KIAA1328: variants seen among roughly 807,000 people sequenced by gnomAD.
KIAA1328 encodes the protein protein hinderin.
In KIAA1328, 52 loss-of-function variants were observed where a neutral mutation model predicts 68.1. The observed-to-expected ratio is 0.76, with a 90% confidence interval of 0.61 to 0.96. The LOEUF is 0.96. KIAA1328 is among the 40% of genes least tolerant of loss of function. The pLI is 0.00. For synonymous variants in KIAA1328, 232 were observed against 239.4 expected, an observed-to-expected ratio of 0.97 and a Z score of 0.28; for missense variants, 641 against 677.6, an observed-to-expected ratio of 0.95 and a Z score of 0.60.
intron 6 of KIAA1328, among the ~76,000 whole-genome samples, chr18:37,061,077 T>C (rs1021507367): frequency 2.0e-5 from 3 of 152,048 alleles, no homozygotes. Context: ...ATCGTGCCAC[T>C]GCACTCCAGC....
At chr18:36,874,020 T>C (rs1199135605) in intron 4 of KIAA1328, among the ~76,000 whole-genome samples, 1 of 152,242 alleles carries the variant, frequency 6.6e-6, no homozygotes, top group East Asian at 1.9e-4. Flanking sequence ...CATGAACTCA[T>C]TCTTTTTCAT....
intron 6 of KIAA1328, among the ~76,000 whole-genome samples, chr18:36,989,660 A>G (rs972516863): frequency 7.2e-5 from 11 of 152,148 alleles, no homozygotes; most frequent in African/African-American, 2.4e-4. Context: ...ATATTTTTTT[A>G]AGATGATCTG....
chr18:36,867,002 A>G lies in KIAA1328; in HGVS notation c.333-18555A>G, dbSNP rs76505434. Reference sequence around the variant, plus strand: ...ATGACAAGCATATTTTCAGAAGGATATAATATTCATCAGCTCTCAACACAA... The same window carrying G: ...ATGACAAGCATATTTTCAGAAGGATGTAATATTCATCAGCTCTCAACACAA... On this transcript the variant is annotated intron_variant, in intron 4 of 9. Coordinates refer to ENST00000280020, the MANE Select transcript of KIAA1328 (RefSeq NM_020776.3). 6.3e-3 allele frequency among the ~76,000 whole-genome samples: 964 copies of G among 152,330 alleles called. 13 individuals are homozygous for G. The highest frequency in any genetic ancestry group is 0.021 in the African/African-American group (893 of 41,570).
At chr18:36,881,876 G>A (rs2048339474) in intron 4 of KIAA1328, among the ~76,000 whole-genome samples, 1 of 152,124 alleles carries the variant, frequency 6.6e-6, no homozygotes, top group South Asian at 2.1e-4. Context: ...TCAGGTTGTT[G>A]TACTTTTATT....
At chr18:37,104,037 A>G (rs1327954320) in intron 7 of KIAA1328, among the ~76,000 whole-genome samples, 1 of 152,212 alleles carries the variant, frequency 6.6e-6, no homozygotes, top group Non-Finnish European at 1.5e-5. Context: ...GCAAGAATGT[A>G]GAGAAAAGGG....
intron 7 of KIAA1328, among the ~76,000 whole-genome samples, chr18:37,153,111 G>T (rs1032196281): frequency 1.3e-5 from 2 of 152,142 alleles, no homozygotes; most frequent in South Asian, 4.1e-4. Context: ...TGTGAAAATG[G>T]CACACTTGGT....
chr18:36,891,465 C>G (rs2151001185), intron 5 of KIAA1328, among the ~76,000 whole-genome samples: 1 of 152,256 alleles, frequency 6.6e-6, no homozygotes, highest in African/African-American at 2.4e-5. Flanking sequence ...TTTCACTCTT[C>G]CCCCCTCTGC....
intron 7 of KIAA1328, among the ~76,000 whole-genome samples, chr18:37,133,465 A>G (rs1351352010): frequency 2.0e-5 from 3 of 152,088 alleles, no homozygotes; most frequent in South Asian, 2.1e-4. Flanking sequence ...AAGAATCTAT[A>G]CATGTGTTAA....
chr18:37,091,676 C>G (rs1503357), intron 7 of KIAA1328, among the ~76,000 whole-genome samples: 159 of 152,230 alleles, frequency 1.0e-3, no homozygotes, highest in African/African-American at 3.2e-3. Context: ...CCCAACAACC[C>G]CTGCATCTTC....
In KIAA1328 at chr18:37,111,969, G is replaced by A. The variant is rs541337676; in HGVS notation, c.1232+44424G>A. On this transcript the variant is annotated intron_variant, in intron 7 of 9. Transcript: ENST00000280020. ...CAAACTGCAAGGTGGCAGTGAGGTG[G>A]GTGGAGGGACGTCCGCCATTGCTAA... is the stretch of plus-strand genomic sequence containing the variant. 4.6e-5 allele frequency among the ~76,000 whole-genome samples: 7 copies of A among 152,312 alleles called. No individual in the cohort carries two copies. The South Asian group carries it at 6.2e-4, about 14-fold the overall frequency.
chr18:36,882,589 G>C (rs566554951), intron 4 of KIAA1328, among the ~76,000 whole-genome samples: 1 of 152,158 alleles, frequency 6.6e-6, no homozygotes, highest in Admixed American at 6.5e-5. Flanking sequence ...GCCTTCCAGG[G>C]CTTAATAATT....
intron 6 of KIAA1328, among the ~76,000 whole-genome samples, chr18:36,969,950 C>T (rs564745332): frequency 7.6e-4 from 116 of 152,302 alleles, no homozygotes; most frequent in Non-Finnish European, 1.4e-3. Flanking sequence ...CTCCCTAACT[C>T]ATTTTGTGAG....
chr18:37,187,479 A>G (rs1400383170), intron 9 of KIAA1328, among the ~76,000 whole-genome samples: 1 of 152,340 alleles, frequency 6.6e-6, no homozygotes, highest in East Asian at 1.9e-4. Flanking sequence ...AAAATTGTAT[A>G]CAGTTGCATG....
At chr18:36,928,880 C>G (rs542812671) in intron 5 of KIAA1328, among the ~76,000 whole-genome samples, 20 of 152,288 alleles carry the variant, frequency 1.3e-4, no homozygotes, top group African/African-American at 4.8e-4. Flanking sequence ...TTCCACAGAT[C>G]TGTGATAGTC....
rs774789058 is a variant in KIAA1328, at chr18:37,168,416, G to A, written c.1415-4557G>A. 1.1e-3 allele frequency among the ~76,000 whole-genome samples: 166 copies of A among 152,188 alleles called. 1 individual carries two copies. Among genetic ancestry groups the A allele is most frequent in the Non-Finnish European group, 2.6e-4 (18 of 68,034 alleles). On this transcript the variant is annotated intron_variant, in intron 8 of 9. Transcript: ENST00000280020. ...TTTTGGTGGATAACTGACAGCATCTGCCACAGCAGCATTCTTCATAATAGC... is the reference window on the plus strand; with the variant it reads ...TTTTGGTGGATAACTGACAGCATCTACCACAGCAGCATTCTTCATAATAGC...
At chr18:37,065,259 GGCCTTGAATGAAA>G (rs1267500527) in intron 6 of KIAA1328, among the ~76,000 whole-genome samples, 1 of 152,152 alleles carries the variant, frequency 6.6e-6, no homozygotes, top group Admixed American at 6.5e-5. Context: ...AACATAAGTG[GGCCTTGAATGAAA>G]GCCTGAGGGA....
At position 36,959,342 on chromosome 18, in the gene KIAA1328, T is replaced by C; in HGVS notation, c.483T>C (p.Leu161=). The stretch of plus-strand genomic sequence containing the variant: ...TACAGTATAGAGAATGCCAAGAACT[T>C]CTAAGCCTGTATCAGAAATATTTAT... ...LQLQYRECQE[L]LSLYQKYLSE... is the part of the protein sequence containing the mutation. Residue 161 remains leucine (L), a synonymous_variant, in exon 6 of 10, where the codon CTT becomes CTC. Transcript: ENST00000280020. 1 of 1,604,936 alleles carries C rather than the reference T, an allele frequency of 6.2e-7. No homozygotes were observed. The highest frequency in any genetic ancestry group is 2.2e-5 in the East Asian group (1 of 44,748).
At chr18:36,988,764 C>T (rs1049347905) in intron 6 of KIAA1328, among the ~76,000 whole-genome samples, 2 of 152,140 alleles carry the variant, frequency 1.3e-5, no homozygotes, top group African/African-American at 4.8e-5. Context: ...ATTTTTACAA[C>T]TTACTGTTAC....
chr18:37,030,622 A>T (rs913034411), intron 6 of KIAA1328, among the ~76,000 whole-genome samples: 3 of 152,294 alleles, frequency 2.0e-5, no homozygotes, highest in Middle Eastern at 3.4e-3. Flanking sequence ...AAATAATATA[A>T]TCAGCAATTA....
Sources: gnomAD v4.1 joint callset for allele counts (sites outside exome capture counted in the v4.1 genomes callset) on GRCh38, gnomAD v4.1.1 for gene constraint, MANE v1.5 for transcripts, NCBI Gene and HGNC (gene_info 2026-07-23, HGNC 2026-07-21) for gene names.